The following CSMD1 variants were observed in gnomAD, a reference collection of about 807,000 sequenced individuals.
The protein encoded by CSMD1 is CUB and sushi domain-containing protein 1.
In CSMD1, 213 loss-of-function variants were observed where a neutral mutation model predicts 417.5. The observed-to-expected ratio is 0.51, with a 90% CI of 0.46 to 0.57. CSMD1 has a LOEUF of 0.57. Ranked by LOEUF, CSMD1 falls within the 20% of genes least tolerant of loss-of-function variation. CSMD1 has a pLI of 0.00. For missense variants in CSMD1, 6,923 were observed against 4,529.7 expected (o/e 1.53, Z -15.17); for synonymous variants, 2,862 against 1,736.8 (o/e 1.65, Z -16.11).
At chr8:4,353,826 C>G (rs1276940799) in intron 3 of CSMD1, among the ~76,000 whole-genome samples, 3 of 152,152 alleles carry the variant, frequency 2.0e-5, no homozygotes, top group Non-Finnish European at 2.9e-5. Flanking sequence ...CAGTGTTCTT[C>G]TCTCCTCAGT....
intron 7 of CSMD1, among the ~76,000 whole-genome samples, chr8:3,643,127 C>A (rs1446978636): frequency 1.3e-5 from 2 of 151,608 alleles, no homozygotes; most frequent in Non-Finnish European, 2.9e-5. Context: ...GACAATTTAA[C>A]AGTCAGGGAA....
intron 3 of CSMD1, among the ~76,000 whole-genome samples, chr8:4,380,253 C>T (rs528527082): frequency 1.2e-4 from 18 of 152,252 alleles, no homozygotes; most frequent in Non-Finnish European, 1.5e-4. Context: ...AGTGGACAAG[C>T]CTGACAAACA....
At chr8:4,042,839 A>AAAAAAAAG (rs1179079811) in intron 3 of CSMD1, among the ~76,000 whole-genome samples, 1 of 121,716 alleles carries the variant, frequency 8.2e-6, no homozygotes, top group African/African-American at 3.2e-5. Flanking sequence ...AAAAAAAAAA[A>AAAAAAAAG]AAAGCAGGCT....
At chr8:4,588,700 G>T (rs1197245554) in intron 2 of CSMD1, among the ~76,000 whole-genome samples, 1 of 151,772 alleles carries the variant, frequency 6.6e-6, no homozygotes, top group Non-Finnish European at 1.5e-5. Context: ...CACAAGAATC[G>T]CTTGAACCCG....
In CSMD1 at chr8:2,982,751, C is replaced by T. The variant is rs145002232; in HGVS notation, c.8378-3951G>A. On this transcript the variant is annotated intron_variant, in intron 54 of 69. Coordinates refer to ENST00000635120, the MANE Select transcript of CSMD1 (RefSeq NM_033225.6). The stretch of plus-strand genomic sequence containing the variant: ...GGAAGCAAGGTGTGCTCCACATCCT[C>T]GCTTCTTTCCAGAACCCAAAGCAAT... Among the ~76,000 whole-genome samples the T allele has an allele frequency of 3.0e-3, 464 of 152,300 alleles. 3 individuals carry two copies. The highest frequency in any genetic ancestry group is 4.6e-3 in the Non-Finnish European group (316 of 68,034).
chr8:3,264,476 C>T (rs1487240230), intron 26 of CSMD1, among the ~76,000 whole-genome samples: 2 of 152,120 alleles, frequency 1.3e-5, no homozygotes, highest in African/African-American at 2.4e-5. Context: ...GTGAGGTGAT[C>T]AGGAGGCCAA....
chr8:3,369,682 GTCT>G (rs1809825893), intron 18 of CSMD1, among the ~76,000 whole-genome samples: 1 of 152,154 alleles, frequency 6.6e-6, no homozygotes, highest in African/African-American at 2.4e-5. Flanking sequence ...AGAGCCGCTG[GTCT>G]TCTTAGCAGC....
At chr8:4,857,174 C>G (rs12546035) in intron 1 of CSMD1, among the ~76,000 whole-genome samples, 1 of 148,722 alleles carries the variant, frequency 6.7e-6, no homozygotes, top group Non-Finnish European at 1.5e-5. Context: ...CTACTGGGTA[C>G]ATAACGAAAT....
At chr8:4,951,711 A>G (rs1243734009) in intron 1 of CSMD1, among the ~76,000 whole-genome samples, 1 of 151,782 alleles carries the variant, frequency 6.6e-6, no homozygotes, top group Non-Finnish European at 1.5e-5. Context: ...TTCTACCAGA[A>G]GAATCTCCCT....
At chr8:4,372,573 G>A (rs372387590) in intron 3 of CSMD1, among the ~76,000 whole-genome samples, 1 of 151,502 alleles carries the variant, frequency 6.6e-6, no homozygotes, top group Non-Finnish European at 1.5e-5. Context: ...CTGTTTCTAG[G>A]TTTGAGGTAC....
intron 57 of CSMD1, among the ~76,000 whole-genome samples, chr8:2,971,338 C>T (rs1197030543): frequency 3.3e-5 from 5 of 152,134 alleles, no homozygotes; most frequent in African/African-American, 1.2e-4. Context: ...CCACACATTG[C>T]ACTTATCGGG....
At chr8:4,853,089 T>C (rs918870373) in intron 1 of CSMD1, among the ~76,000 whole-genome samples, 2 of 152,146 alleles carry the variant, frequency 1.3e-5, no homozygotes, top group African/African-American at 4.8e-5. Context: ...AGCCTACCCA[T>C]GTGGTAGAAA....
At chr8:3,249,460 G>C (rs1227587557) in intron 26 of CSMD1, among the ~76,000 whole-genome samples, 1 of 152,106 alleles carries the variant, frequency 6.6e-6, no homozygotes, top group Non-Finnish European at 1.5e-5. Flanking sequence ...CTGACCTTGG[G>C]TGATCCGCCC....
chr8:3,466,854 G>C (rs1585206941), intron 12 of CSMD1, among the ~76,000 whole-genome samples: 3 of 152,138 alleles, frequency 2.0e-5, no homozygotes, highest in South Asian at 4.2e-4. Flanking sequence ...GCTTAATATA[G>C]TACTCTGGAA....
At chr8:3,173,006 G>A (rs955947776) in intron 37 of CSMD1, among the ~76,000 whole-genome samples, 1 of 152,094 alleles carries the variant, frequency 6.6e-6, no homozygotes, top group Admixed American at 6.5e-5. Context: ...AGTGATTGTA[G>A]GATAAGTCCA....
intron 3 of CSMD1, among the ~76,000 whole-genome samples, chr8:4,407,534 C>G (rs1016865367): frequency 3.9e-5 from 6 of 152,054 alleles, no homozygotes; most frequent in Non-Finnish European, 7.4e-5. Context: ...ATTCAGAGTA[C>G]AGATATCTTG....
intron 1 of CSMD1, among the ~76,000 whole-genome samples, chr8:4,931,776 G>T (rs758120638): frequency 4.7e-4 from 71 of 152,280 alleles, no homozygotes; most frequent in Non-Finnish European, 8.5e-4. Context: ...CCACAGAAAG[G>T]GTGGTGAGGC....
chr8:4,189,919 G>A (rs907580207), intron 3 of CSMD1, among the ~76,000 whole-genome samples: 3 of 151,290 alleles, frequency 2.0e-5, no homozygotes, highest in South Asian at 2.1e-4. Flanking sequence ...GTACTCTTTT[G>A]CATATTTTTT....
chr8:4,791,436 G>C (rs918116065), intron 1 of CSMD1, among the ~76,000 whole-genome samples: 2 of 152,114 alleles, frequency 1.3e-5, no homozygotes, highest in African/African-American at 2.4e-5. Context: ...CCCATCCCTT[G>C]GTCTATAAGG....
Sources: allele counts gnomAD v4.1 joint callset (sites outside exome capture counted in the v4.1 genomes callset), GRCh38; gene constraint gnomAD v4.1.1; transcripts MANE v1.5; gene names NCBI Gene and HGNC (gene_info 2026-07-23, HGNC 2026-07-21).